Variants in CYP7B1 observed in about 807,000 individuals in gnomAD.
The protein encoded by CYP7B1 is cytochrome P450 family 7 subfamily B member 1, also known as cytochrome P450 7B1.
Under a neutral mutation model 42.7 loss-of-function variants are expected in CYP7B1, and 29 were observed. That is an observed-to-expected ratio of 0.68 (90% CI 0.51 to 0.93). The LOEUF is 0.93. CYP7B1 is among the 40% of genes least tolerant of loss of function. The probability of loss-of-function intolerance (pLI) is 0.00; values close to 1 mark genes in which losing one functional copy is unlikely to be tolerated. For missense variants in CYP7B1, 655 were observed against 600.5 expected (o/e 1.09, Z -0.95); for synonymous variants, 235 against 218.2 (o/e 1.08, Z -0.68).
chr8:64,750,471 T>C (rs773932496), intron 1 of CYP7B1, among the ~76,000 whole-genome samples: 1 of 152,186 alleles, frequency 6.6e-6, no homozygotes, highest in Non-Finnish European at 1.5e-5. Flanking sequence ...TAGGGAAAAA[T>C]TAAGTTGCAA....
chr8:64,761,121 G>A (rs1008959628), intron 1 of CYP7B1, among the ~76,000 whole-genome samples: 3 of 152,060 alleles, frequency 2.0e-5, no homozygotes, highest in South Asian at 2.1e-4. Context: ...TCACTTACAC[G>A]TGGAATCTAA....
At chr8:64,609,111 C>T (rs1370582433) in intron 4 of CYP7B1, among the ~76,000 whole-genome samples, 6 of 152,170 alleles carry the variant, frequency 3.9e-5, no homozygotes, top group African/African-American at 1.4e-4. Context: ...AACAGGAATG[C>T]TCCCAAGATC....
intron 1 of CYP7B1, among the ~76,000 whole-genome samples, chr8:64,737,931 G>A (rs996204072): frequency 4.3e-4 from 66 of 152,104 alleles, no homozygotes; most frequent in Admixed American, 4.3e-3. Context: ...GTAGAGACAG[G>A]AATTGCCCTT....
chr8:64,718,280 T>C (rs1039164696), intron 1 of CYP7B1, among the ~76,000 whole-genome samples: 2 of 152,114 alleles, frequency 1.3e-5, no homozygotes, highest in African/African-American at 4.8e-5. Flanking sequence ...CTCAGTAGTA[T>C]AAAATAACAT....
intron 1 of CYP7B1, among the ~76,000 whole-genome samples, chr8:64,737,902 A>ACT (rs1255017156): frequency 6.6e-6 from 1 of 152,092 alleles, no homozygotes; most frequent in African/African-American, 2.4e-5. Flanking sequence ...TGTTCTACTT[A>ACT]TTTGGTGATC....
intron 1 of CYP7B1, among the ~76,000 whole-genome samples, chr8:64,742,169 T>A (rs1180498626): frequency 4.6e-5 from 7 of 152,210 alleles, no homozygotes; most frequent in Non-Finnish European, 7.3e-5. Flanking sequence ...TGATCTGTAC[T>A]GTCAATTTAA....
intron 4 of CYP7B1, among the ~76,000 whole-genome samples, chr8:64,611,279 T>G (rs1805359202): frequency 6.6e-6 from 1 of 152,128 alleles, no homozygotes; most frequent in African/African-American, 2.4e-5. Context: ...ACCTCCATGA[T>G]CTTAGACGGG....
downstream of CYP7B1, among the ~76,000 whole-genome samples, chr8:64,587,209 C>A (rs934277185): frequency 1.3e-5 from 2 of 152,196 alleles, no homozygotes; most frequent in African/African-American, 4.8e-5. Context: ...GCAGCACTCG[C>A]GCCCACCGCG....
intron 1 of CYP7B1, among the ~76,000 whole-genome samples, chr8:64,683,207 T>A (rs890906595): frequency 1.8e-4 from 27 of 152,194 alleles, no homozygotes; most frequent in African/African-American, 5.8e-4. Flanking sequence ...CATCAATAGA[T>A]GAATGAATAT....
rs191000384 is a variant in CYP7B1 at position 64,750,504 on chromosome 8, T to C, written c.122+47962A>G. On this transcript the variant is annotated intron_variant, in intron 1 of 5. Coordinates refer to ENST00000310193, the MANE Select transcript of CYP7B1 (RefSeq NM_004820.5). ...CAAAGAAGATATTGGTTCCATCTGT[T>C]GGTTTATTTTTCATTTGTCTGTTTC... Among the ~76,000 whole-genome samples, 375 of 152,294 alleles carry C rather than the reference T, an allele frequency of 2.5e-3. 3 individuals are homozygous for C. Among genetic ancestry groups the C allele is most frequent in the African/African-American group, 8.3e-3 (346 of 41,554 alleles).
intron 1 of CYP7B1, among the ~76,000 whole-genome samples, chr8:64,648,604 T>C (rs1265188444): frequency 2.0e-5 from 3 of 152,230 alleles, no homozygotes; most frequent in Admixed American, 2.0e-4. Context: ...CTCAGTAAAG[T>C]AGAAACTTAT....
At chr8:64,703,005 CTA>C (rs199783830) in intron 1 of CYP7B1, among the ~76,000 whole-genome samples, 11 of 149,570 alleles carry the variant, frequency 7.4e-5, no homozygotes, top group South Asian at 2.1e-4. Context: ...TTTTATACAT[CTA>C]TATTTTTTTT....
intron 1 of CYP7B1, among the ~76,000 whole-genome samples, chr8:64,793,409 A>G (rs1377730655): frequency 6.6e-6 from 1 of 152,172 alleles, no homozygotes; most frequent in East Asian, 1.9e-4. Context: ...TTGAGCAAGT[A>G]AGGAAAGAAT....
At chr8:64,649,640 T>C (rs1004470472) in intron 1 of CYP7B1, among the ~76,000 whole-genome samples, 2 of 152,326 alleles carry the variant, frequency 1.3e-5, no homozygotes, top group Non-Finnish European at 2.9e-5. Context: ...TCCATACTGT[T>C]TTCTACCATG....
intron 1 of CYP7B1, among the ~76,000 whole-genome samples, chr8:64,719,722 AGACTTCAATGG>A (rs1384512263): frequency 2.6e-5 from 4 of 152,242 alleles, no homozygotes. Flanking sequence ...TCATTGGGTA[AGACTTCAATGG>A]GACAGCCTCG....
At chr8:64,783,265 G>A (rs376879280) in intron 1 of CYP7B1, among the ~76,000 whole-genome samples, 130 of 152,250 alleles carry the variant, frequency 8.5e-4, no homozygotes, top group Admixed American at 2.4e-3. Context: ...TCTAGAGCAC[G>A]AAGGATCTTG....
chr8:64,657,262 T>C (rs1282747841), intron 1 of CYP7B1, among the ~76,000 whole-genome samples: 1 of 152,096 alleles, frequency 6.6e-6, no homozygotes, highest in Non-Finnish European at 1.5e-5. Flanking sequence ...ACAGAAACTG[T>C]TTTTCTAGAA....
At chr8:64,796,648 TTG>T (rs1804706590) in intron 1 of CYP7B1, among the ~76,000 whole-genome samples, 1 of 152,152 alleles carries the variant, frequency 6.6e-6, no homozygotes, top group Non-Finnish European at 1.5e-5. Flanking sequence ...TATCTATGTT[TTG>T]TGTGTGTGTT....
At chr8:64,786,234 C>G (rs904139754) in intron 1 of CYP7B1, among the ~76,000 whole-genome samples, 3 of 152,168 alleles carry the variant, frequency 2.0e-5, no homozygotes, top group African/African-American at 7.2e-5. Context: ...CCCCCAAAGT[C>G]TTAGCTCATT....
Sources: allele counts gnomAD v4.1 joint callset (sites outside exome capture counted in the v4.1 genomes callset), GRCh38; gene constraint gnomAD v4.1.1; transcripts MANE v1.5; gene names NCBI Gene and HGNC (gene_info 2026-07-23, HGNC 2026-07-21).